Variants in PSKH1 observed in about 807,000 individuals in gnomAD.
PSKH1 encodes serine/threonine-protein kinase H1.
PSKH1 carries 12 observed loss-of-function variants against 26.7 expected under a neutral mutation model. That is an observed-to-expected ratio of 0.45 (90% CI 0.29 to 0.73). PSKH1 has a LOEUF of 0.73. Ranked by LOEUF, PSKH1 falls within the 30% of genes least tolerant of loss-of-function variation. PSKH1 has a pLI of 0.11. For missense variants in PSKH1, 431 were observed against 595.2 expected, an observed-to-expected ratio of 0.72 and a Z score of 2.87; for synonymous variants, 213 against 234.3, an observed-to-expected ratio of 0.91 and a Z score of 0.83.
intron 2 of PSKH1, among the ~76,000 whole-genome samples, chr16:67,913,486 C>G (rs967812593): frequency 9.9e-5 from 15 of 151,952 alleles, no homozygotes; most frequent in African/African-American, 3.1e-4. Flanking sequence ...TTTTAAAAAG[C>G]CTGTCCTGGT....
intron 1 of PSKH1, among the ~76,000 whole-genome samples, chr16:67,900,116 A>G (rs1299437609): frequency 6.6e-6 from 1 of 151,686 alleles, no homozygotes; most frequent in Non-Finnish European, 1.5e-5. Flanking sequence ...GCCCACTACC[A>G]TGCCCAGGAA....
At chr16:67,896,902 A>G (rs1319878789) in intron 1 of PSKH1, among the ~76,000 whole-genome samples, 1 of 152,196 alleles carries the variant, frequency 6.6e-6, no homozygotes, top group Non-Finnish European at 1.5e-5. Flanking sequence ...TCTGGTTGGC[A>G]TCTAGAACAG....
chr16:67,900,885 C>T (rs142957105), intron 1 of PSKH1, among the ~76,000 whole-genome samples: 1 of 152,316 alleles, frequency 6.6e-6, no homozygotes, highest in African/African-American at 2.4e-5. Context: ...CCCATCCCTA[C>T]ACCTACCGTG....
At chr16:67,925,023 T>C (rs939799422) in intron 2 of PSKH1, among the ~76,000 whole-genome samples, 20 of 152,078 alleles carry the variant, frequency 1.3e-4, no homozygotes, top group Admixed American at 2.6e-4. Context: ...CAGGGTGATC[T>C]TGAACTCTTG....
rs1187862726 is a variant in PSKH1 at position 67,908,702 on chromosome 16, A to G, written c.-48A>G. Reference sequence around the variant, plus strand: ...TAGGTGTAGACGGGGCACTGCCTTCAGAGCAGGTCCTGCCAGCCTCGCTGG... The same window carrying G: ...TAGGTGTAGACGGGGCACTGCCTTCGGAGCAGGTCCTGCCAGCCTCGCTGG... On this transcript the variant is annotated 5_prime_UTR_variant, in exon 2 of 3. Transcript: ENST00000291041. 2 of 1,502,558 alleles carry G rather than the reference A, an allele frequency of 1.3e-6. No individual in the cohort carries two copies. Among genetic ancestry groups the G allele is most frequent in the African/African-American group, 1.4e-5 (1 of 72,338 alleles). The allele number at this position is 1,502,558 out of a possible 1,614,324, so 93.1% of individuals were successfully genotyped here.
intron 2 of PSKH1, among the ~76,000 whole-genome samples, chr16:67,919,296 C>T (rs1465581470): frequency 6.6e-6 from 1 of 152,236 alleles, no homozygotes; most frequent in Non-Finnish European, 1.5e-5. Context: ...CAGCTCAACT[C>T]TCTTCTCACT....
chr16:67,913,014 C>G (rs1037131414), intron 2 of PSKH1, among the ~76,000 whole-genome samples: 4 of 151,884 alleles, frequency 2.6e-5, no homozygotes, highest in African/African-American at 9.7e-5. Flanking sequence ...ATAGCGAGAC[C>G]CCATCTCTTA....
At chr16:67,894,911 G>A (rs1465892786) in intron 1 of PSKH1, among the ~76,000 whole-genome samples, 2 of 149,186 alleles carry the variant, frequency 1.3e-5, no homozygotes, top group East Asian at 3.9e-4. Flanking sequence ...GAGCCTTACT[G>A]TCTGAGTTAG....
intron 2 of PSKH1, among the ~76,000 whole-genome samples, chr16:67,921,927 AC>A (rs1357572776): frequency 6.7e-6 from 1 of 149,198 alleles, no homozygotes; most frequent in African/African-American, 2.5e-5. Flanking sequence ...AGCTTTACTA[AC>A]CTTTAAGTTG....
intron 1 of PSKH1, among the ~76,000 whole-genome samples, chr16:67,898,300 G>C (rs187462287): frequency 2.6e-5 from 4 of 152,290 alleles, no homozygotes; most frequent in African/African-American, 9.6e-5. Flanking sequence ...TAGGTACTCG[G>C]GGGCTGAGGC....
chr16:67,908,147 G>T (rs1177243203), intron 1 of PSKH1, among the ~76,000 whole-genome samples: 1 of 152,186 alleles, frequency 6.6e-6, no homozygotes, highest in Non-Finnish European at 1.5e-5. Context: ...TGAGGCCCAG[G>T]GAGATGAGTC....
chr16:67,896,046 TTTA>T (rs2058125450), intron 1 of PSKH1, among the ~76,000 whole-genome samples: 1 of 152,180 alleles, frequency 6.6e-6, no homozygotes, highest in South Asian at 2.1e-4. Context: ...GGAAGCCACT[TTTA>T]TTACTAATGG....
In PSKH1 at chr16:67,909,148, C is replaced by A; in HGVS notation, c.399C>A (p.Tyr133Ter). 6.2e-7 allele frequency: 1 copy of A among 1,614,076 alleles called. No homozygotes were observed. The highest frequency in any genetic ancestry group is 1.1e-5 in the South Asian group (1 of 91,082). Reference protein sequence around the residue: ...PYAIKMIETKYREGREVCESE... With the variant: ...PYAIKMIETK ...CCATCAAGATGATTGAGACCAAGTA[C>A]CGGGAGGGGCGGGAGGTGTGTGAGT... The change falls in exon 2 of 3, where the codon TAC (tyrosine) becomes TAA (stop). Residue 133 changes from tyrosine (Y) to a stop codon, truncating the protein, a stop_gained. Coordinates refer to ENST00000291041, the MANE Select transcript of PSKH1 (RefSeq NM_006742.3). LOFTEE classifies it high-confidence loss of function. The surrounding 1 kb of genome is among the most constrained non-coding windows in gnomAD (Gnocchi z 7.8).
intron 1 of PSKH1, among the ~76,000 whole-genome samples, chr16:67,908,109 C>A (rs1011016356): frequency 6.6e-6 from 1 of 152,178 alleles, no homozygotes; most frequent in Non-Finnish European, 1.5e-5. Flanking sequence ...TTCCTGCCCC[C>A]TCTCAGGGTT....
At chr16:67,901,522 C>T (rs977826281) in intron 1 of PSKH1, among the ~76,000 whole-genome samples, 9 of 150,826 alleles carry the variant, frequency 6.0e-5, no homozygotes, top group South Asian at 2.1e-4. Flanking sequence ...TTAGTAGAGA[C>T]GGGGTTTCAC....
chr16:67,928,448 C>T lies in PSKH1; in HGVS notation c.*806C>T, dbSNP rs1172500189. 6.6e-6 allele frequency: 1 copy of T among 152,668 alleles called. No homozygotes were observed. The highest frequency in any genetic ancestry group is 1.5e-5 in the Non-Finnish European group (1 of 68,056). The allele number at this position is 152,668 out of a possible 1,614,324, so 9.5% of individuals were successfully genotyped here. A position where few individuals can be genotyped will look rare whatever the true frequency, so the allele number is the denominator to read the frequency against. On this transcript the variant is annotated 3_prime_UTR_variant, in exon 3 of 3. Coordinates refer to ENST00000291041, the MANE Select transcript of PSKH1 (RefSeq NM_006742.3). The surrounding 1 kb of genome is among the most constrained non-coding windows in gnomAD (Gnocchi z 4.8). ...CTCCCCGTTGGATGTCCATTCCATT[C>T]CCCAGGTGCCTCCTTCCCAACTGGG...
intron 1 of PSKH1, among the ~76,000 whole-genome samples, chr16:67,900,000 C>A (rs1036153395): frequency 2.7e-5 from 4 of 145,662 alleles, no homozygotes; most frequent in Non-Finnish European, 6.0e-5. Context: ...GCTGCCCTGT[C>A]GCTTAGGCTG....
chr16:67,910,760 C>T (rs950131554), intron 2 of PSKH1, among the ~76,000 whole-genome samples: 1 of 152,224 alleles, frequency 6.6e-6, no homozygotes, highest in Non-Finnish European at 1.5e-5. Flanking sequence ...GCCTTGGCCT[C>T]CCAAAGTGCT....
At chr16:67,912,789 A>C (rs1304234098) in intron 2 of PSKH1, among the ~76,000 whole-genome samples, 1 of 150,870 alleles carries the variant, frequency 6.6e-6, no homozygotes. Flanking sequence ...AATCACTTGA[A>C]CCCATGAGGC....
Sources: allele counts gnomAD v4.1 joint callset (sites outside exome capture counted in the v4.1 genomes callset), GRCh38; gene constraint gnomAD v4.1.1; non-coding constraint Gnocchi (gnomAD v3.1); transcripts MANE v1.5; gene names NCBI Gene and HGNC (gene_info 2026-07-23, HGNC 2026-07-21).